SORCS2: variants seen among roughly 807,000 people sequenced by gnomAD.
SORCS2 encodes the protein VPS10 domain-containing receptor SorCS2.
A neutral mutation model predicts 141.6 loss-of-function variants in SORCS2; 100 were observed. The ratio of observed to expected loss-of-function variants is 0.71; its 90% CI spans 0.60 to 0.83. The LOEUF (loss-of-function observed/expected upper bound fraction) is 0.83, where lower values mean the gene tolerates loss of function less well. Ranked by LOEUF, SORCS2 falls within the 40% of genes least tolerant of loss-of-function variation. The probability of loss-of-function intolerance (pLI) is 0.00; values close to 1 mark genes in which losing one functional copy is unlikely to be tolerated. For synonymous variants in SORCS2, 789 were observed against 676.9 expected (o/e 1.17, Z -2.57); for missense variants, 1,646 against 1,560.2 (o/e 1.05, Z -0.93).
At position 7,551,868 on chromosome 4, in the gene SORCS2, G is replaced by C. The variant is rs1713731011; in HGVS notation, c.648+20239G>C. The stretch of plus-strand genomic sequence containing the variant: ...CTTTGACTAGGTATATGAACAAATT[G>C]TAATATACAAATAATACCACCGTGT... On this transcript the variant is annotated intron_variant, in intron 3 of 26. Transcript: ENST00000507866. Among the ~76,000 whole-genome samples, 3 of 152,176 alleles carry C rather than the reference G, an allele frequency of 2.0e-5. No homozygotes were observed. In the South Asian group the frequency reaches 6.2e-4, roughly 31 times the overall value.
chr4:7,497,909 G>A (rs567708553), intron 2 of SORCS2, among the ~76,000 whole-genome samples: 22 of 152,376 alleles, frequency 1.4e-4, no homozygotes, highest in African/African-American at 5.3e-4. Flanking sequence ...TGGAAGGAAC[G>A]TTTTTAAGAA....
chr4:7,429,643 C>T (rs1473215049), intron 2 of SORCS2, among the ~76,000 whole-genome samples: 2 of 152,228 alleles, frequency 1.3e-5, no homozygotes, highest in Admixed American at 6.5e-5. Flanking sequence ...TCCCACAGGG[C>T]ACCCTCCATC....
At chr4:7,527,508 G>T (rs1186563982) in intron 2 of SORCS2, among the ~76,000 whole-genome samples, 2 of 152,238 alleles carry the variant, frequency 1.3e-5, no homozygotes, top group African/African-American at 4.8e-5. Context: ...GTCGCTAGCA[G>T]GTGGGAGAGA....
intron 1 of SORCS2, among the ~76,000 whole-genome samples, chr4:7,310,120 G>A (rs184023258): frequency 3.3e-5 from 5 of 152,356 alleles, no homozygotes; most frequent in Admixed American, 3.3e-4. Flanking sequence ...GGAAGACCCT[G>A]GGGGATGGAG....
intron 1 of SORCS2, among the ~76,000 whole-genome samples, chr4:7,309,754 C>T (rs1718065059): frequency 6.6e-6 from 1 of 152,174 alleles, no homozygotes; most frequent in Admixed American, 6.5e-5. Flanking sequence ...AGAGTTGGCC[C>T]AGCTGTGCCC....
chr4:7,549,646 T>C (rs1259883647), intron 3 of SORCS2, among the ~76,000 whole-genome samples: 3 of 152,240 alleles, frequency 2.0e-5, no homozygotes, highest in Non-Finnish European at 4.4e-5. Flanking sequence ...ATGCTTATGA[T>C]GAACCCAGCA....
chr4:7,392,631 G>A (rs565398136), intron 1 of SORCS2, among the ~76,000 whole-genome samples: 5 of 152,134 alleles, frequency 3.3e-5, no homozygotes, highest in South Asian at 2.1e-4. Context: ...CTGGGGTCCC[G>A]GGTTGACCTT....
At chr4:7,407,949 A>C (rs58564537) in intron 2 of SORCS2, among the ~76,000 whole-genome samples, 7 of 151,630 alleles carry the variant, frequency 4.6e-5, no homozygotes, top group Non-Finnish European at 4.4e-5. Flanking sequence ...AAACAAAAAA[A>C]ATTATGCCCT....
intron 3 of SORCS2, among the ~76,000 whole-genome samples, chr4:7,546,469 G>T (rs1004769761): frequency 6.6e-6 from 1 of 152,196 alleles, no homozygotes; most frequent in South Asian, 2.1e-4. Context: ...CGGCTCCATC[G>T]CAGTGAGGAA....
intron 3 of SORCS2, among the ~76,000 whole-genome samples, chr4:7,534,244 T>C (rs892079606): frequency 6.6e-6 from 1 of 152,188 alleles, no homozygotes; most frequent in Non-Finnish European, 1.5e-5. Context: ...CAGGTTTGCC[T>C]GGGTGCAGAC....
chr4:7,335,320 T>C (rs746851686), intron 1 of SORCS2, among the ~76,000 whole-genome samples: 7 of 152,078 alleles, frequency 4.6e-5, no homozygotes, highest in Non-Finnish European at 1.0e-4. Context: ...AAAGAGAAAG[T>C]GTTTCTGTTC....
chr4:7,285,825 G>A (rs1358414416), intron 1 of SORCS2, among the ~76,000 whole-genome samples: 1 of 152,208 alleles, frequency 6.6e-6, no homozygotes, highest in East Asian at 1.9e-4. Context: ...GTGGGCCCTG[G>A]GCTGTTAGAG....
chr4:7,287,939 C>T (rs1716337256), intron 1 of SORCS2, among the ~76,000 whole-genome samples: 1 of 152,206 alleles, frequency 6.6e-6, no homozygotes, highest in Admixed American at 6.5e-5. Flanking sequence ...CCGATTGGAG[C>T]CCACCCTCTG....
intron 10 of SORCS2, among the ~76,000 whole-genome samples, chr4:7,683,248 CGGCTCTGCTG>C (rs1560480815): frequency 2.6e-4 from 22 of 83,398 alleles, no homozygotes; most frequent in African/African-American, 1.1e-3. Flanking sequence ...ATCAGCTGAG[CGGCTCTGCTG>C]ACCTTGGCTG....
chr4:7,671,681 G>A (rs1722805921), intron 8 of SORCS2, among the ~76,000 whole-genome samples: 4 of 152,132 alleles, frequency 2.6e-5, no homozygotes, highest in Admixed American at 2.0e-4. Flanking sequence ...AAAGAATAAG[G>A]ATTGAAAGTG....
At chr4:7,543,374 T>C (rs868567573) in intron 3 of SORCS2, among the ~76,000 whole-genome samples, 5 of 151,806 alleles carry the variant, frequency 3.3e-5, no homozygotes, top group South Asian at 2.1e-4. Flanking sequence ...TATCCGTTGA[T>C]TCATACATCC....
At chr4:7,223,628 C>T (rs919072191) in intron 1 of SORCS2, among the ~76,000 whole-genome samples, 11 of 152,174 alleles carry the variant, frequency 7.2e-5, no homozygotes, top group African/African-American at 1.2e-4. Context: ...AGTGCCCATA[C>T]GGATGTTCTC....
chr4:7,462,712 A>C (rs4689755), intron 2 of SORCS2, among the ~76,000 whole-genome samples: 28,499 of 151,388 alleles, frequency 0.19, 2,823 homozygotes, highest in African/African-American at 0.24. Flanking sequence ...AGGAGGAGCT[A>C]AGTGAATAAA....
intron 2 of SORCS2, among the ~76,000 whole-genome samples, chr4:7,444,718 A>G (rs1354326779): frequency 1.3e-5 from 2 of 152,230 alleles, no homozygotes; most frequent in Non-Finnish European, 2.9e-5. Context: ...GGGTGGAAGC[A>G]GGGAGCATGC....
Sources: gnomAD v4.1 joint callset for allele counts (sites outside exome capture counted in the v4.1 genomes callset) on GRCh38, gnomAD v4.1.1 for gene constraint, MANE v1.5 for transcripts, NCBI Gene and HGNC (gene_info 2026-07-23, HGNC 2026-07-21) for gene names.